Variants in DSCAML1 observed in about 807,000 individuals in gnomAD.
DSCAML1 encodes cell adhesion molecule DSCAML1.
In DSCAML1, 38 loss-of-function variants were observed where a neutral mutation model predicts 200.5. That is an observed-to-expected ratio of 0.19 (90% CI 0.15 to 0.25). DSCAML1 has a LOEUF of 0.25. Among genes scored for constraint, DSCAML1 ranks in the 10% least tolerant of loss-of-function variants. The pLI, the probability that DSCAML1 is intolerant of heterozygous loss-of-function variation, is 1.00. For missense variants in DSCAML1, 2,223 were observed against 2,858.8 expected, an observed-to-expected ratio of 0.78 and a Z score of 5.07; for synonymous variants, 1,215 against 1,165.0, an observed-to-expected ratio of 1.04 and a Z score of -0.87.
At chr11:117,545,989 A>C (rs2050366252) in intron 3 of DSCAML1, among the ~76,000 whole-genome samples, 1 of 152,182 alleles carries the variant, frequency 6.6e-6, no homozygotes, top group African/African-American at 2.4e-5. Flanking sequence ...AGAAGAATGG[A>C]TGGATGGGAG....
In DSCAML1 at chr11:117,437,946, C is replaced by T. The variant is rs1440697653; in HGVS notation, c.4381G>A (p.Val1461Met). ...ATCTCGCTGATGCGCCCAGAGCCCA[C>T]GCTGTTCTTGGCTGCCAGCTTCACC... is the stretch of plus-strand genomic sequence containing the variant. ...YKVKLAAKNSVGSGRISEIIE... is the reference protein window; with the variant it reads ...YKVKLAAKNSMGSGRISEIIE... Residue 1461 changes from valine to methionine, a missense_variant, in exon 25 of 33, where the codon GTG becomes ATG. Val to Met is a conservative substitution (Grantham distance 21, BLOSUM62 1). Transcript: ENST00000651296. This position sits in a 1 kb window ranked among gnomAD's most constrained non-coding sequence, Gnocchi z 5.3. The T allele has an allele frequency of 6.2e-6, 10 of 1,613,652 alleles. No individual in the cohort carries two copies. The highest frequency in any genetic ancestry group is 3.3e-5 in the Admixed American group (2 of 60,000).
intron 8 of DSCAML1, among the ~76,000 whole-genome samples, chr11:117,506,688 C>G (rs971687711): frequency 7.3e-5 from 11 of 151,082 alleles, no homozygotes; most frequent in Non-Finnish European, 1.3e-4. Flanking sequence ...GCTGGGAATG[C>G]AGGTATACAC....
chr11:117,698,342 C>T (rs1001732357), intron 3 of DSCAML1, among the ~76,000 whole-genome samples: 1 of 152,186 alleles, frequency 6.6e-6, no homozygotes, highest in African/African-American at 2.4e-5. Flanking sequence ...ATGTCTGAGC[C>T]TATGATGTCT....
intron 18 of DSCAML1, among the ~76,000 whole-genome samples, chr11:117,459,952 C>T (rs2048446732): frequency 6.6e-6 from 1 of 152,248 alleles, no homozygotes; most frequent in Non-Finnish European, 1.5e-5. Context: ...GGAGGACCCT[C>T]GGAGGTCAGA....
rs1565845679 is a variant in DSCAML1, at chr11:117,642,328, C to T, written c.512-109806G>A. On this transcript the variant is annotated intron_variant, in intron 3 of 32. Coordinates refer to ENST00000651296, the MANE Select transcript of DSCAML1 (RefSeq NM_020693.4). This position sits in a 1 kb window ranked among gnomAD's most constrained non-coding sequence, Gnocchi z 4.1. The stretch of plus-strand genomic sequence containing the variant: ...CTTCCTATCTCACACCTGCCATCCT[C>T]TTTTTTTTTCTTGCTTGAGCTCTGG... Among the ~76,000 whole-genome samples the T allele has an allele frequency of 6.6e-6, 1 of 151,640 alleles. No individual in the cohort carries two copies. Among genetic ancestry groups the T allele is most frequent in the African/African-American group, 2.4e-5 (1 of 41,276 alleles).
intron 3 of DSCAML1, among the ~76,000 whole-genome samples, chr11:117,541,822 C>T (rs1159963602): frequency 1.3e-5 from 2 of 152,298 alleles, no homozygotes; most frequent in Admixed American, 6.5e-5. Flanking sequence ...TGGGAACAGA[C>T]ACTCCCTCAG....
At chr11:117,443,744 G>T in intron 21 of DSCAML1, 142 bp downstream of exon 21, 1 of 1,182,296 alleles carries the variant, frequency 8.5e-7, no homozygotes, top group Non-Finnish European at 1.2e-6. Flanking sequence ...GGTGTGTGCG[G>T]GAGGCAGGCG....
chr11:117,566,530 G>T (rs2050759507), intron 3 of DSCAML1, among the ~76,000 whole-genome samples: 5 of 144,444 alleles, frequency 3.5e-5, no homozygotes, highest in African/African-American at 1.3e-4. Flanking sequence ...GTATTTTTTT[G>T]TAGTGATGTG....
rs142363905 is a variant in DSCAML1, at chr11:117,817,234, C to T, written c.-250+156G>A. On this transcript the variant is annotated intron_variant, in intron 1 of 2. Coordinates refer to the DSCAML1 transcript ENST00000525836. ...GCAACCCCATTGCCCAAGGCCAGCACTTCTGGGCCTGGGGGCTCTGGAAGT... is the reference window on the plus strand; with the variant it reads ...GCAACCCCATTGCCCAAGGCCAGCATTTCTGGGCCTGGGGGCTCTGGAAGT... Among the ~76,000 whole-genome samples the T allele has an allele frequency of 8.3e-4, 126 of 152,348 alleles. 4 individuals carry two copies. In the East Asian group the frequency reaches 0.016, roughly 20 times the overall value.
At chr11:117,470,437 A>T (rs920253574) in intron 15 of DSCAML1, among the ~76,000 whole-genome samples, 2 of 152,076 alleles carry the variant, frequency 1.3e-5, no homozygotes, top group African/African-American at 4.8e-5. Flanking sequence ...TAGCCGGGCG[A>T]GGTGGCGGGC....
rs374601359 is a variant in DSCAML1, at chr11:117,505,654, G to A, written c.1862C>T (p.Ser621Leu). The A allele has an allele frequency of 3.2e-5, 52 of 1,613,892 alleles. No individual in the cohort carries two copies. The highest frequency in any genetic ancestry group is 1.6e-4 in the Middle Eastern group (1 of 6,084). ...QLLYIPCVVS[S>L]GDMPIRITWR... ...GGTGATACGGATGGGCATGTCCCCC[G>A]AGGACACCACACAGGGAATGTAGAG... The change falls in exon 9 of 33, where the codon TCG becomes TTG. Residue 621 changes from serine to leucine, a missense_variant. Around this residue, in one of 7 missense-constraint regions of DSCAML1, gnomAD observed 212 missense variants for 368.0 expected, o/e 0.58. Coordinates refer to ENST00000651296, the MANE Select transcript of DSCAML1 (RefSeq NM_020693.4). The surrounding 1 kb of genome is among the most constrained non-coding windows in gnomAD (Gnocchi z 6.7).
chr11:117,529,965 G>A (rs1043075415), intron 4 of DSCAML1, among the ~76,000 whole-genome samples: 3 of 152,064 alleles, frequency 2.0e-5, no homozygotes, highest in African/African-American at 4.8e-5. Flanking sequence ...TCAGGGCCCC[G>A]CGTCGCTGCA....
At chr11:117,538,930 C>CCA (rs1237767360) in intron 3 of DSCAML1, among the ~76,000 whole-genome samples, 5 of 128,202 alleles carry the variant, frequency 3.9e-5, no homozygotes, top group African/African-American at 1.4e-4. Context: ...TCCTGACTGG[C>CCA]CACCCTGAAT....
chr11:117,439,224 T>C (rs1203355912), intron 23 of DSCAML1, 42 bp downstream of exon 23: 1 of 1,608,432 alleles, frequency 6.2e-7, no homozygotes. Context: ...CCTTTCTCCA[T>C]CCCTGTCCCC....
intron 22 of DSCAML1, 115 bp from the exon 23 acceptor site, chr11:117,439,544 C>T (rs762932307): frequency 2.2e-4 from 308 of 1,371,448 alleles, no homozygotes; most frequent in Admixed American, 3.0e-4. Context: ...CGCCAGGGAA[C>T]GCCGGGTTCT....
At chr11:117,789,331 C>A (rs1417336507) in intron 1 of DSCAML1, among the ~76,000 whole-genome samples, 2 of 152,168 alleles carry the variant, frequency 1.3e-5, no homozygotes, top group African/African-American at 2.4e-5. Context: ...AAGGAAGGTC[C>A]CTTATGGCCA....
At chr11:117,681,053 T>C (rs2053301684) in intron 3 of DSCAML1, among the ~76,000 whole-genome samples, 1 of 152,108 alleles carries the variant, frequency 6.6e-6, no homozygotes, top group African/African-American at 2.4e-5. Context: ...GACCCTGGAT[T>C]CTCATCTTGC....
chr11:117,700,389 C>T (rs186400053), intron 3 of DSCAML1, among the ~76,000 whole-genome samples: 32 of 152,308 alleles, frequency 2.1e-4, no homozygotes, highest in African/African-American at 6.3e-4. Flanking sequence ...CTATCCTATC[C>T]TCCTTCATGC....
intron 3 of DSCAML1, among the ~76,000 whole-genome samples, chr11:117,670,143 G>A (rs1019599827): frequency 6.6e-6 from 1 of 152,164 alleles, no homozygotes; most frequent in African/African-American, 2.4e-5. Context: ...ATACTGTGGG[G>A]GCACCTAGGC....
Sources: allele counts gnomAD v4.1 joint callset (sites outside exome capture counted in the v4.1 genomes callset), GRCh38; gene constraint gnomAD v4.1.1; regional missense constraint gnomAD v4.1.1; non-coding constraint Gnocchi (gnomAD v3.1); transcripts MANE v1.5; gene names NCBI Gene and HGNC (gene_info 2026-07-23, HGNC 2026-07-21).